Variants in NUDCD1 observed in about 807,000 individuals in gnomAD.
The protein encoded by NUDCD1 is nudC domain-containing protein 1.
Under a neutral mutation model 67.8 loss-of-function variants are expected in NUDCD1, and 60 were observed. The observed-to-expected ratio is 0.88, with a 90% CI of 0.72 to 1.10. The LOEUF (loss-of-function observed/expected upper bound fraction) is 1.10. NUDCD1 is among the 50% of genes least tolerant of loss of function. The pLI is 0.00. For missense variants in NUDCD1, 643 were observed against 695.0 expected, an observed-to-expected ratio of 0.93 and a Z score of 0.84; for synonymous variants, 244 against 230.8, an observed-to-expected ratio of 1.06 and a Z score of -0.52.
intron 2 of NUDCD1, among the ~76,000 whole-genome samples, chr8:109,299,178 G>A (rs556004661): frequency 9.2e-5 from 14 of 152,246 alleles, no homozygotes; most frequent in Middle Eastern, 3.4e-3. Flanking sequence ...AGAGGCACCG[G>A]GCAAAGGCCA....
At chr8:109,257,872 TA>T (rs1017878017) in intron 8 of NUDCD1, among the ~76,000 whole-genome samples, 1 of 152,148 alleles carries the variant, frequency 6.6e-6, no homozygotes, top group African/African-American at 2.4e-5. Context: ...ACTTTATTTA[TA>T]AAAACAGGTA....
chr8:109,254,011 AT>A (rs1813676018), intron 8 of NUDCD1, among the ~76,000 whole-genome samples: 1 of 152,126 alleles, frequency 6.6e-6, no homozygotes, highest in African/African-American at 2.4e-5. Context: ...CACAAAACCC[AT>A]TTTTCACTAG....
intron 2 of NUDCD1, among the ~76,000 whole-genome samples, chr8:109,304,051 C>T (rs185583322): frequency 1.8e-4 from 27 of 152,182 alleles, no homozygotes; most frequent in African/African-American, 3.4e-4. Flanking sequence ...TAGCTGACCC[C>T]ATAAATCCTA....
intron 8 of NUDCD1, among the ~76,000 whole-genome samples, chr8:109,268,829 A>T (rs1188425958): frequency 6.6e-6 from 1 of 152,176 alleles, no homozygotes; most frequent in Non-Finnish European, 1.5e-5. Context: ...TAAAAAGAAG[A>T]GCAGCTATGT....
At chr8:109,287,739 C>A (rs866419330) in intron 5 of NUDCD1, among the ~76,000 whole-genome samples, 3 of 152,116 alleles carry the variant, frequency 2.0e-5, no homozygotes, top group African/African-American at 2.4e-5. Flanking sequence ...TGCAATACAA[C>A]CAGGTAAAAG....
chr8:109,284,773 C>A (rs1563671512), intron 5 of NUDCD1, among the ~76,000 whole-genome samples: 1 of 150,516 alleles, frequency 6.6e-6, no homozygotes, highest in African/African-American at 2.4e-5. Context: ...GAAAAAAAAA[C>A]AAATTAACAC....
chr8:109,294,875 A>G (rs1248869326), intron 3 of NUDCD1, among the ~76,000 whole-genome samples: 1 of 151,940 alleles, frequency 6.6e-6, no homozygotes, highest in Non-Finnish European at 1.5e-5. Context: ...CTTCTCTGTT[A>G]TATTAATTAC....
intron 2 of NUDCD1, among the ~76,000 whole-genome samples, chr8:109,316,699 T>C (rs150768335): frequency 1.3e-5 from 2 of 152,280 alleles, no homozygotes; most frequent in African/African-American, 4.8e-5. Context: ...AAGTGTAGTA[T>C]TCTTCTGTAT....
chr8:109,293,846 T>A (rs1199053469), intron 3 of NUDCD1, among the ~76,000 whole-genome samples: 1 of 152,088 alleles, frequency 6.6e-6, no homozygotes, highest in Admixed American at 6.6e-5. Flanking sequence ...TGTTTGTTAT[T>A]TATTCTCTGG....
chr8:109,288,996 T>C (rs1374512616), intron 5 of NUDCD1, among the ~76,000 whole-genome samples: 2 of 151,864 alleles, frequency 1.3e-5, no homozygotes, highest in Non-Finnish European at 2.9e-5. Flanking sequence ...TTTTTTTTTT[T>C]TGAGACAGTC....
chr8:109,285,360 C>CA (rs535698719), intron 5 of NUDCD1, among the ~76,000 whole-genome samples: 26 of 151,880 alleles, frequency 1.7e-4, no homozygotes, highest in Non-Finnish European at 2.8e-4. Context: ...AAGACACACA[C>CA]AAAAAAACTA....
chr8:109,307,878 G>C (rs1815149801), intron 2 of NUDCD1, among the ~76,000 whole-genome samples: 1 of 152,238 alleles, frequency 6.6e-6, no homozygotes, highest in Non-Finnish European at 1.5e-5. Flanking sequence ...AAGGCAAAGA[G>C]GGACATTATA....
At chr8:109,271,499 T>C (rs1012752840) in intron 7 of NUDCD1, among the ~76,000 whole-genome samples, 1 of 151,920 alleles carries the variant, frequency 6.6e-6, no homozygotes, top group African/African-American at 2.4e-5. Context: ...ACCAGCGAGC[T>C]TGAAAAATAG....
chr8:109,283,535 A>G (rs560152185), intron 5 of NUDCD1, among the ~76,000 whole-genome samples: 73 of 152,330 alleles, frequency 4.8e-4, no homozygotes, highest in African/African-American at 1.7e-3. Flanking sequence ...AAAGGCACCT[A>G]AAGAAAAGAG....
chr8:109,277,385 T>G (rs1814314755), intron 6 of NUDCD1, among the ~76,000 whole-genome samples: 1 of 152,164 alleles, frequency 6.6e-6, no homozygotes, highest in Admixed American at 6.5e-5. Flanking sequence ...ATCATTAATT[T>G]GCACAGTTAA....
intron 6 of NUDCD1, among the ~76,000 whole-genome samples, chr8:109,280,340 G>C (rs1471669310): frequency 1.3e-5 from 2 of 152,152 alleles, no homozygotes; most frequent in Admixed American, 1.3e-4. Flanking sequence ...TAGAGACAGG[G>C]TTTTCTCTTC....
At chr8:109,250,084 A>G (rs1375758782) in intron 8 of NUDCD1, among the ~76,000 whole-genome samples, 1 of 151,954 alleles carries the variant, frequency 6.6e-6, no homozygotes. Flanking sequence ...AACTCAAGCA[A>G]TCCTCCTGCC....
At chr8:109,324,167 A>C (rs1242249264) in intron 1 of NUDCD1, among the ~76,000 whole-genome samples, 1 of 151,996 alleles carries the variant, frequency 6.6e-6, no homozygotes, top group African/African-American at 2.4e-5. Context: ...CAAACTATTC[A>C]ATCGTAAGGA....
intron 1 of NUDCD1, among the ~76,000 whole-genome samples, chr8:109,332,667 GCTT>G (rs1247371414): frequency 6.6e-6 from 1 of 152,130 alleles, no homozygotes; most frequent in Non-Finnish European, 1.5e-5. Context: ...AATAATAACT[GCTT>G]CTTGTTTTGA....
Sources: allele counts gnomAD v4.1 joint callset (sites outside exome capture counted in the v4.1 genomes callset), GRCh38; gene constraint gnomAD v4.1.1; transcripts MANE v1.5; gene names NCBI Gene and HGNC (gene_info 2026-07-23, HGNC 2026-07-21).